ARB2A: variants seen among roughly 807,000 people sequenced by gnomAD.
The protein encoded by ARB2A is ARB2 cotranscriptional regulator A.
the ARB2A span, among the ~76,000 whole-genome samples, chr5:93,844,026 T>G: frequency 6.7e-6 from 1 of 149,850 alleles, no homozygotes; most frequent in South Asian, 2.1e-4. Flanking sequence ...GAGAAGATAC[T>G]ACAAGTTTTA....
chr5:93,807,643 G>A, the ARB2A span, among the ~76,000 whole-genome samples: 14 of 152,012 alleles, frequency 9.2e-5, no homozygotes, highest in Admixed American at 5.9e-4. Flanking sequence ...TTACATCTAC[G>A]TTTAAGAGAT....
At chr5:93,828,410 GAA>G in the ARB2A span, among the ~76,000 whole-genome samples, 1 of 152,170 alleles carries the variant, frequency 6.6e-6, no homozygotes, top group South Asian at 2.1e-4. Context: ...TATTGGTGTA[GAA>G]GAATGCTTGT....
the ARB2A span, among the ~76,000 whole-genome samples, chr5:94,103,618 G>A: frequency 6.6e-6 from 1 of 151,762 alleles, no homozygotes; most frequent in African/African-American, 2.4e-5. Flanking sequence ...GACCATCAAG[G>A]CACAAAACTA....
chr5:93,819,767 A>C, the ARB2A span, among the ~76,000 whole-genome samples: 1 of 152,202 alleles, frequency 6.6e-6, no homozygotes, highest in South Asian at 2.1e-4. Context: ...AAATCTGCTG[A>C]GAGTAGAGAG....
chr5:93,808,184 T>C, the ARB2A span, among the ~76,000 whole-genome samples: 38 of 152,136 alleles, frequency 2.5e-4, 1 homozygote, highest in African/African-American at 8.9e-4. Flanking sequence ...CGCGAATTCT[T>C]AAAATGGGTT....
chr5:93,853,691 C>A, the ARB2A span, among the ~76,000 whole-genome samples: 8 of 152,100 alleles, frequency 5.3e-5, no homozygotes, highest in Admixed American at 3.3e-4. Flanking sequence ...TTGTCAAAGG[C>A]CTTTTCTGCA....
the ARB2A span, among the ~76,000 whole-genome samples, chr5:93,830,309 G>GTATATA: frequency 3.5e-3 from 173 of 49,586 alleles, no homozygotes; most frequent in African/African-American, 0.014. Context: ...ATGTGTGTGT[G>GTATATA]TGTATATATA....
At chr5:93,766,438 A>C in the ARB2A span, among the ~76,000 whole-genome samples, 1 of 152,216 alleles carries the variant, frequency 6.6e-6, no homozygotes, top group African/African-American at 2.4e-5. Context: ...ACATGAAAAA[A>C]TGCTCATCAT....
chr5:94,066,112 G>C, the ARB2A span, among the ~76,000 whole-genome samples: 1 of 151,870 alleles, frequency 6.6e-6, no homozygotes, highest in Non-Finnish European at 1.5e-5. Context: ...AGTCAAGGAA[G>C]AAATTATGAA....
chr5:93,662,706 C>T, the ARB2A span, among the ~76,000 whole-genome samples: 8 of 152,312 alleles, frequency 5.3e-5, no homozygotes, highest in Admixed American at 3.9e-4. Context: ...GTCCCTCCCT[C>T]GCTCCAACTC....
chr5:93,740,971 C>T, the ARB2A span: 1 of 1,613,914 alleles, frequency 6.2e-7, no homozygotes, highest in Non-Finnish European at 8.5e-7. Flanking sequence ...TTTGCATAAG[C>T]CCAGAAGGTT....
At chr5:94,072,011 C>T in the ARB2A span, among the ~76,000 whole-genome samples, 1 of 152,030 alleles carries the variant, frequency 6.6e-6, no homozygotes, top group Non-Finnish European at 1.5e-5. Flanking sequence ...CATATCTAGA[C>T]AATGGAATAT....
At chr5:93,882,743 T>G in the ARB2A span, among the ~76,000 whole-genome samples, 7 of 151,372 alleles carry the variant, frequency 4.6e-5, no homozygotes, top group African/African-American at 1.5e-4. Context: ...TGTAAAATAC[T>G]ATAAGGTCAT....
At chr5:93,810,853 T>C in the ARB2A span, among the ~76,000 whole-genome samples, 1 of 152,166 alleles carries the variant, frequency 6.6e-6, no homozygotes, top group East Asian at 1.9e-4. Flanking sequence ...CACTAGCTAG[T>C]TGTGTGATCT....
the ARB2A span, among the ~76,000 whole-genome samples, chr5:93,744,008 T>C: frequency 1.3e-5 from 2 of 152,152 alleles, no homozygotes; most frequent in Non-Finnish European, 2.9e-5. Flanking sequence ...AAAGGTTCAT[T>C]AGTGGTTTAA....
chr5:93,777,903 C>T, the ARB2A span, among the ~76,000 whole-genome samples: 1 of 152,028 alleles, frequency 6.6e-6, no homozygotes, highest in Non-Finnish European at 1.5e-5. Flanking sequence ...GTTCTGGGAC[C>T]AGGGAGAGCA....
At chr5:93,953,203 G>A in the ARB2A span, among the ~76,000 whole-genome samples, 3 of 152,166 alleles carry the variant, frequency 2.0e-5, no homozygotes, top group Non-Finnish European at 2.9e-5. Flanking sequence ...TAGTCTTGAT[G>A]CTTGCGGATG....
chr5:94,111,278 A>AG, the ARB2A span, among the ~76,000 whole-genome samples: 1 of 152,158 alleles, frequency 6.6e-6, no homozygotes, highest in Non-Finnish European at 1.5e-5. Flanking sequence ...AAAGTCATCC[A>AG]GGGAACACAC....
chr5:93,812,751 C>A, the ARB2A span, among the ~76,000 whole-genome samples: 1 of 152,142 alleles, frequency 6.6e-6, no homozygotes, highest in African/African-American at 2.4e-5. Context: ...CCATTTAAAT[C>A]ATCTGACTCG....
Sources: allele counts gnomAD v4.1 joint callset (sites outside exome capture counted in the v4.1 genomes callset), GRCh38; gene constraint gnomAD v4.1.1; transcripts MANE v1.5; gene names NCBI Gene and HGNC (gene_info 2026-07-23, HGNC 2026-07-21).